IRAG1: variants seen among roughly 807,000 people sequenced by gnomAD.
The protein encoded by IRAG1 is inositol 1,4,5-triphosphate receptor associated 1.
Under a neutral mutation model 106.2 loss-of-function variants are expected in IRAG1, and 62 were observed. That is an observed-to-expected ratio of 0.58 (90% CI 0.48 to 0.72). IRAG1 has a LOEUF of 0.72. Ranked by LOEUF, IRAG1 falls within the 30% of genes least tolerant of loss-of-function variation. IRAG1 has a pLI of 0.00. For missense variants in IRAG1, 1,064 were observed against 1,140.7 expected, an observed-to-expected ratio of 0.93 and a Z score of 0.97; for synonymous variants, 462 against 443.9, an observed-to-expected ratio of 1.04 and a Z score of -0.51.
intron 10 of IRAG1, among the ~76,000 whole-genome samples, chr11:10,616,839 T>C (rs1165335765): frequency 6.6e-6 from 1 of 152,212 alleles, no homozygotes; most frequent in East Asian, 1.9e-4. Flanking sequence ...TTTTTAGATA[T>C]GAACATAAGC....
Position 10,626,185 on chromosome 11 carries a change from A to G in IRAG1, c.1149T>C (p.Thr383=), listed in dbSNP as rs778392136. 4 of 1,560,026 alleles carry G rather than the reference A, an allele frequency of 2.6e-6. No individual in the cohort carries two copies. In the Admixed American group the frequency reaches 7.5e-5, roughly 29 times the overall value. The part of the protein sequence containing the change: ...EAGSKAELPP[T]VSRPPLLRGL... ...CTCGCAGCAGCGGGGGCCGGGACAC[A>G]GTGGGTGGAAGCTCAGCTTTGGAGC... Residue 383 remains threonine (T), a synonymous_variant, in exon 9 of 21, where the codon ACT becomes ACC. Coordinates refer to ENST00000423302, the MANE Select transcript of IRAG1 (RefSeq NM_130385.4).
At chr11:10,593,771 C>A (rs1852947200) in intron 16 of IRAG1, 172 bp from the exon 17 acceptor site, 1 of 594,430 alleles carries the variant, frequency 1.7e-6, no homozygotes, top group Non-Finnish European at 3.0e-6. Context: ...CAAAGTTGAC[C>A]CAAATTTTCT....
In IRAG1 at chr11:10,593,603, C is replaced by T; in HGVS notation, c.2068-4G>A. On this transcript the variant is annotated splice_region_variant and splice_polypyrimidine_tract_variant and intron_variant, in intron 16 of 20. Coordinates refer to ENST00000423302, the MANE Select transcript of IRAG1 (RefSeq NM_130385.4). ...TGACCCTCCGGCGAGGCATATTCTGCAGGAAGAGAAGTGACCAGGCTCACT... is the reference window on the plus strand; with the variant it reads ...TGACCCTCCGGCGAGGCATATTCTGTAGGAAGAGAAGTGACCAGGCTCACT... 6.2e-7 allele frequency: 1 copy of T among 1,611,034 alleles called. No homozygotes were observed. Among genetic ancestry groups the T allele is most frequent in the Non-Finnish European group, 8.5e-7 (1 of 1,177,536 alleles).
intron 15 of IRAG1, among the ~76,000 whole-genome samples, chr11:10,594,660 G>A (rs2134237209): frequency 6.6e-6 from 1 of 152,242 alleles, no homozygotes; most frequent in Middle Eastern, 3.4e-3. Flanking sequence ...AAATGACTCA[G>A]AGCAAAGGAA....
intron 10 of IRAG1, among the ~76,000 whole-genome samples, chr11:10,614,443 T>C (rs1176389245): frequency 6.6e-6 from 1 of 152,188 alleles, no homozygotes; most frequent in Non-Finnish European, 1.5e-5. Context: ...AAAAAATACT[T>C]TAAAGTTCAT....
chr11:10,635,908 C>T (rs936966843), intron 2 of IRAG1, among the ~76,000 whole-genome samples: 8 of 145,072 alleles, frequency 5.5e-5, no homozygotes, highest in Non-Finnish European at 8.9e-5. Context: ...TATCCGGGAG[C>T]GATTCAGTGC....
chr11:10,635,901 C>CT (rs1385124094), intron 2 of IRAG1, among the ~76,000 whole-genome samples: 7,025 of 152,138 alleles, frequency 0.046, 502 homozygotes, highest in African/African-American at 0.15. Flanking sequence ...GTGTTCTTAT[C>CT]CGGGAGCGAT....
chr11:10,676,036 G>A (rs1440438253), intron 1 of IRAG1, among the ~76,000 whole-genome samples: 3 of 152,236 alleles, frequency 2.0e-5, no homozygotes, highest in Non-Finnish European at 2.9e-5. Flanking sequence ...TGGGGTTCCT[G>A]ATTTAAATGC....
At chr11:10,576,857 A>G (rs1850865342) in intron 20 of IRAG1, among the ~76,000 whole-genome samples, 1 of 152,204 alleles carries the variant, frequency 6.6e-6, no homozygotes, top group Non-Finnish European at 1.5e-5. Context: ...TATCTAGATC[A>G]TTCTACTTAA....
At chr11:10,594,073 G>T (rs2134230069) in intron 16 of IRAG1, 73 bp downstream of exon 16, 1 of 1,372,424 alleles carries the variant, frequency 7.3e-7, no homozygotes, top group Non-Finnish European at 1.0e-6. Flanking sequence ...CAGAATGAAT[G>T]ATTGTTTGGG....
intron 14 of IRAG1, among the ~76,000 whole-genome samples, chr11:10,601,291 G>A (rs1216590175): frequency 6.6e-6 from 1 of 152,234 alleles, no homozygotes; most frequent in East Asian, 1.9e-4. Flanking sequence ...GACAGGCAGA[G>A]GAGAGTTGTT....
chr11:10,674,641 G>T (rs967524321), intron 1 of IRAG1, among the ~76,000 whole-genome samples: 1 of 152,156 alleles, frequency 6.6e-6, no homozygotes, highest in African/African-American at 2.4e-5. Context: ...CAGACCTGGC[G>T]ACCTGGCCCA....
intron 10 of IRAG1, among the ~76,000 whole-genome samples, chr11:10,619,568 G>A (rs951708166): frequency 3.9e-5 from 6 of 152,210 alleles, no homozygotes; most frequent in Non-Finnish European, 7.3e-5. Flanking sequence ...CTCTAGCACT[G>A]TGGAGCACAG....
chr11:10,675,011 G>A (rs1242049202), intron 1 of IRAG1, among the ~76,000 whole-genome samples: 4 of 152,216 alleles, frequency 2.6e-5, no homozygotes, highest in Admixed American at 6.5e-5. Context: ...AATAGGAAAC[G>A]CAGAGTGACC....
chr11:10,613,119 C>T (rs774782772), intron 10 of IRAG1, among the ~76,000 whole-genome samples: 21 of 151,776 alleles, frequency 1.4e-4, no homozygotes, highest in South Asian at 4.2e-4. Context: ...ATGTTGTCTC[C>T]GAAGCAGTGA....
chr11:10,600,970 C>T lies in IRAG1; in HGVS notation c.1965G>A (p.Met655Ile), dbSNP rs754123549. The change falls in exon 15 of 21, where the codon ATG (methionine) becomes ATA (isoleucine). Residue 655 changes from methionine to isoleucine, a missense_variant. By Grantham distance (10) the Met-to-Ile change is conservative (BLOSUM62 1). Coordinates refer to ENST00000423302, the MANE Select transcript of IRAG1 (RefSeq NM_130385.4). ...RTYEKDHAEL[M>I]EFKKLANQNS... ...TCTGATTTGCAAGCTTTTTAAACTC[C>T]ATGAGCTCCGCATGGTCCTTCTCAT... The T allele has an allele frequency of 9.3e-6, 15 of 1,614,094 alleles. No homozygotes were observed. In the Middle Eastern group the frequency reaches 4.9e-4, roughly 53 times the overall value.
intron 1 of IRAG1, among the ~76,000 whole-genome samples, chr11:10,679,196 A>G (rs1156632046): frequency 6.6e-6 from 1 of 152,242 alleles, no homozygotes; most frequent in African/African-American, 2.4e-5. Flanking sequence ...TAACAATAAC[A>G]ACATTCTCTA....
At chr11:10,642,858 T>C (rs1445426504) in intron 2 of IRAG1, among the ~76,000 whole-genome samples, 2 of 151,984 alleles carry the variant, frequency 1.3e-5, no homozygotes, top group African/African-American at 2.4e-5. Context: ...CCAGTGCTCT[T>C]ACAACAGGAT....
rs150073319 is a variant in IRAG1, at chr11:10,619,689, A to G, written c.1447+4089T>C. ...GAATAAAGACCAGTATCACATGCAA[A>G]CATTACAGCAGCTTAGTGAAGTAGG... is the stretch of plus-strand genomic sequence containing the variant. On this transcript the variant is annotated intron_variant, in intron 10 of 20. Coordinates refer to ENST00000423302, the MANE Select transcript of IRAG1 (RefSeq NM_130385.4). 1.2e-3 allele frequency among the ~76,000 whole-genome samples: 190 copies of G among 152,302 alleles called. 3 individuals are homozygous for G. In the East Asian group the frequency reaches 0.03, roughly 24 times the overall value.
Sources: gnomAD v4.1 joint callset for allele counts (sites outside exome capture counted in the v4.1 genomes callset) on GRCh38, gnomAD v4.1.1 for gene constraint, MANE v1.5 for transcripts, NCBI Gene and HGNC (gene_info 2026-07-23, HGNC 2026-07-21) for gene names.